Variants in PRMT9 observed in about 807,000 individuals in gnomAD.
PRMT9 encodes the protein protein arginine methyltransferase 9.
A neutral mutation model predicts 83.2 loss-of-function variants in PRMT9; 59 were observed. That is an observed-to-expected ratio of 0.71 (90% CI 0.57 to 0.88). The LOEUF is 0.88. PRMT9 is among the 40% of genes least tolerant of loss of function. The probability of loss-of-function intolerance (pLI) is 0.00; values close to 1 mark genes in which losing one functional copy is unlikely to be tolerated. For missense variants in PRMT9, 947 were observed against 1,021.9 expected (o/e 0.93, Z 1.00); for synonymous variants, 333 against 353.2 (o/e 0.94, Z 0.64).
intron 2 of PRMT9, among the ~76,000 whole-genome samples, chr4:147,677,528 ACTGCAACCTC>A (rs1356175849): frequency 1.5e-5 from 2 of 134,296 alleles, no homozygotes; most frequent in African/African-American, 5.7e-5. Flanking sequence ...ATTTTGGCTC[ACTGCAACCTC>A]CACCTTTCAG....
chr4:147,681,777 ACT>A (rs1191346492), intron 1 of PRMT9, among the ~76,000 whole-genome samples: 1 of 77,438 alleles, frequency 1.3e-5, no homozygotes, highest in African/African-American at 4.0e-5. Flanking sequence ...ATACAGTGAG[ACT>A]CTATAAAAAA....
Position 147,673,803 on chromosome 4 carries a change from G to C in PRMT9, c.410C>G (p.Ala137Gly). The change falls in exon 3 of 12, where the codon GCA becomes GGA. Residue 137 changes from alanine to glycine, a missense_variant. Ala to Gly is a moderately conservative substitution (Grantham distance 60). Coordinates refer to ENST00000322396, the MANE Select transcript of PRMT9 (RefSeq NM_138364.4). The part of the protein sequence containing the change: ...AVKLNPDFSD[A>G]KENFYRVANW... ...TGCAACACGATAAAAATTCTCCTTT[G>C]CATCACTGAAATCAGGGTTTAGCTT... is the stretch of plus-strand genomic sequence containing the variant. The C allele has an allele frequency of 6.2e-7, 1 of 1,614,048 alleles. No individual in the cohort carries two copies. The highest frequency in any genetic ancestry group is 1.1e-5 in the South Asian group (1 of 91,066).
chr4:147,668,735 A>G, intron 5 of PRMT9, 90 bp from the exon 6 acceptor site: 1 of 803,844 alleles, frequency 1.2e-6, no homozygotes. Flanking sequence ...AATTTAAAAA[A>G]CCTAAAAAGA....
At chr4:147,670,554 T>C in intron 5 of PRMT9, 87 bp downstream of exon 5, 2 of 946,042 alleles carry the variant, frequency 2.1e-6, no homozygotes, top group Non-Finnish European at 1.7e-6. Context: ...ATATTTCATA[T>C]TGTTTTGTAA....
At chr4:147,657,450 G>A (rs374678013) in intron 8 of PRMT9, among the ~76,000 whole-genome samples, 13 of 151,850 alleles carry the variant, frequency 8.6e-5, no homozygotes, top group South Asian at 2.1e-4. Flanking sequence ...GCGTGAACCC[G>A]GGAGGCGGAG....
intron 2 of PRMT9, among the ~76,000 whole-genome samples, chr4:147,679,621 G>A (rs1275035744): frequency 5.3e-5 from 8 of 152,018 alleles, no homozygotes; most frequent in Admixed American, 2.6e-4. Context: ...GGTGGCAGGC[G>A]CCTGTAATGC....
intron 5 of PRMT9, among the ~76,000 whole-genome samples, chr4:147,670,077 T>C (rs1299027240): frequency 6.6e-6 from 1 of 152,222 alleles, no homozygotes; most frequent in African/African-American, 2.4e-5. Context: ...TCAATTCCTA[T>C]GAATTCTTCC....
intron 10 of PRMT9, among the ~76,000 whole-genome samples, chr4:147,640,766 G>A (rs1374295537): frequency 6.6e-6 from 1 of 152,118 alleles, no homozygotes; most frequent in African/African-American, 2.4e-5. Context: ...CTGTTGCCCA[G>A]ACTGCAGTGC....
chr4:147,673,944 T>C (rs768812938), intron 2 of PRMT9, 70 bp from the exon 3 acceptor site: 63 of 1,245,388 alleles, frequency 5.1e-5, no homozygotes, highest in Non-Finnish European at 7.3e-5. Context: ...CCTTTGTTTA[T>C]GCCACTCACT....
chr4:147,640,093 T>TTA lies in PRMT9; in HGVS notation c.2200-1012_2200-1011insTA, dbSNP rs1225892861. 1.4e-3 allele frequency among the ~76,000 whole-genome samples: 26 copies of TTA among 18,564 alleles called. 6 individuals carry two copies. Among genetic ancestry groups the TTA allele is most frequent in the Admixed American group, 2.7e-3 (4 of 1,504 alleles). The allele number at this position is 18,564 out of a possible 152,430, so 12.2% of individuals were successfully genotyped here. On this transcript the variant is annotated intron_variant, in intron 10 of 11. Transcript: ENST00000322396. ...TTTTTTTTTTTTTTTTTTTTTTTAATATAGGGTCTCACTCTGTTCCCCAGG... is the reference window on the plus strand; with the variant it reads ...TTTTTTTTTTTTTTTTTTTTTTTAATTAATAGGGTCTCACTCTGTTCCCCAGG...
chr4:147,655,775 A>C (rs1259178806), intron 8 of PRMT9, among the ~76,000 whole-genome samples: 6 of 152,118 alleles, frequency 3.9e-5, no homozygotes. Flanking sequence ...CTCCTACCTC[A>C]GCAGGAGGAT....
At chr4:147,661,369 C>T (rs1215196511) in intron 6 of PRMT9, 1 of 220,864 alleles carries the variant, frequency 4.5e-6, no homozygotes, top group African/African-American at 2.3e-5. Flanking sequence ...TTTAAAATTC[C>T]TACATATCAA....
intron 8 of PRMT9, among the ~76,000 whole-genome samples, chr4:147,655,311 TGCCACCAG>T (rs1351562579): frequency 6.6e-6 from 1 of 151,688 alleles, no homozygotes; most frequent in African/African-American, 2.4e-5. Flanking sequence ...TACGGATACA[TGCCACCAG>T]GCCCAGCTAT....
chr4:147,657,352 G>C (rs1173229012), intron 8 of PRMT9, among the ~76,000 whole-genome samples: 2 of 151,716 alleles, frequency 1.3e-5, no homozygotes, highest in African/African-American at 2.4e-5. Context: ...GGTGAAACTC[G>C]GTCTATACTA....
intron 2 of PRMT9, among the ~76,000 whole-genome samples, chr4:147,674,514 T>C (rs1045458019): frequency 3.3e-5 from 5 of 152,080 alleles, no homozygotes; most frequent in African/African-American, 1.2e-4. Context: ...AAAAAACCTA[T>C]CCAACCCTCT....
Position 147,683,993 on chromosome 4 carries a change from T to A in PRMT9, c.-6A>T. 3 of 1,612,546 alleles carry A rather than the reference T, an allele frequency of 1.9e-6. No homozygotes were observed. The highest frequency in any genetic ancestry group is 2.5e-6 in the Non-Finnish European group (3 of 1,179,566). ...CTGGGCCGCGAGTTCGACATGGCAG[T>A]CACCACTTGTATGGCCAAAGGGAAG... On this transcript the variant is annotated 5_prime_UTR_variant, in exon 1 of 12. Transcript: ENST00000322396.
rs535904344 is a variant in PRMT9, at chr4:147,673,136, A to T, written c.576-10T>A. On this transcript the variant is annotated splice_polypyrimidine_tract_variant and intron_variant, in intron 3 of 11. Transcript: ENST00000322396. ...TTTTTTAGCAAACATGCTACAAGGG[A>T]AAAAAGTTCTCCATCAAGAAAAAAT... 11 of 1,612,306 alleles carry T rather than the reference A, an allele frequency of 6.8e-6. No individual in the cohort carries two copies. Among genetic ancestry groups the T allele is most frequent in the African/African-American group, 1.3e-5 (1 of 74,884 alleles).
Position 147,638,473 on chromosome 4 carries a change from ACAAGAATTT to A in PRMT9, c.*50_*58del, listed in dbSNP as rs1230238119. ...TTTTTATATACCCCCACTAATTAAG[ACAAGAATTT>A]TGTACTTGTTGATGCTCTATTTACA... On this transcript the variant is annotated 3_prime_UTR_variant, in exon 12 of 12. Coordinates refer to ENST00000322396, the MANE Select transcript of PRMT9 (RefSeq NM_138364.4). 7.5e-7 allele frequency: 1 copy of A among 1,328,966 alleles called. No homozygotes were observed. The highest frequency in any genetic ancestry group is 1.1e-6 in the Non-Finnish European group (1 of 922,690). The allele number at this position is 1,328,966 out of a possible 1,614,324, so 82.3% of individuals were successfully genotyped here. A position where few individuals can be genotyped will look rare whatever the true frequency, so the allele number is the denominator to read the frequency against.
intron 6 of PRMT9, among the ~76,000 whole-genome samples, chr4:147,663,363 T>G (rs1268893973): frequency 6.6e-6 from 1 of 151,194 alleles, no homozygotes; most frequent in Non-Finnish European, 1.5e-5. Context: ...AAAAAAGATG[T>G]GACAATTTTT....
Sources: allele counts gnomAD v4.1 joint callset (sites outside exome capture counted in the v4.1 genomes callset), GRCh38; gene constraint gnomAD v4.1.1; transcripts MANE v1.5; gene names NCBI Gene and HGNC (gene_info 2026-07-23, HGNC 2026-07-21).